BCL2: variants seen among roughly 807,000 people sequenced by gnomAD.
BCL2 encodes apoptosis regulator Bcl-2.
In BCL2, 1 loss-of-function variant was observed where a neutral mutation model predicts 14.2. That is an observed-to-expected ratio of 0.07 (90% CI 0.02 to 0.33). The LOEUF is 0.33. Ranked by LOEUF, BCL2 falls within the 10% of genes least tolerant of loss-of-function variation. BCL2 has a pLI of 0.99. For missense variants in BCL2, 247 were observed against 305.9 expected (o/e 0.81, Z 1.44); for synonymous variants, 151 against 137.2 (o/e 1.10, Z -0.70).
At chr18:63,306,513 C>A in intron 2 of BCL2, among the ~76,000 whole-genome samples, 1 of 152,338 alleles carries the variant, frequency 6.6e-6, no homozygotes, top group East Asian at 1.9e-4. Context: ...CTCCTCAGCT[C>A]CTGCAGTCCA....
At chr18:63,235,012 G>T in intron 2 of BCL2, among the ~76,000 whole-genome samples, 1 of 152,124 alleles carries the variant, frequency 6.6e-6, no homozygotes, top group South Asian at 2.1e-4. Flanking sequence ...ATAGAAAAAC[G>T]GGCCAAGGAA....
At chr18:63,262,162 C>A (rs1317130888) in intron 2 of BCL2, among the ~76,000 whole-genome samples, 1 of 152,200 alleles carries the variant, frequency 6.6e-6, no homozygotes, top group Non-Finnish European at 1.5e-5. Context: ...AGTGATCCAC[C>A]TGCCTCGGCC....
intron 2 of BCL2, among the ~76,000 whole-genome samples, chr18:63,156,087 CAAAA>C (rs10640757): frequency 1.6e-5 from 1 of 64,252 alleles, no homozygotes; most frequent in East Asian, 4.4e-4. Context: ...GCTGAGAAGC[CAAAA>C]AAAAAAAAAA....
At chr18:63,175,577 C>A (rs564646124) in intron 2 of BCL2, among the ~76,000 whole-genome samples, 387 of 152,188 alleles carry the variant, frequency 2.5e-3, no homozygotes, top group Middle Eastern at 0.01. Flanking sequence ...AAGAAGGAAC[C>A]CAAAGTGTGA....
intron 2 of BCL2, among the ~76,000 whole-genome samples, chr18:63,256,209 A>T (rs573461972): frequency 5.9e-5 from 9 of 152,326 alleles, no homozygotes; most frequent in African/African-American, 2.2e-4. Flanking sequence ...GGAAGACAAC[A>T]TTATGGAAAA....
At chr18:63,302,476 G>A in intron 2 of BCL2, 1 of 985,190 alleles carries the variant, frequency 1.0e-6, no homozygotes, top group African/African-American at 1.7e-5. Flanking sequence ...CTTCCTTTTT[G>A]GCTTCCTTAT....
intron 2 of BCL2, chr18:63,314,268 C>T (rs891160666): frequency 6.6e-6 from 1 of 152,206 alleles, no homozygotes; most frequent in African/African-American, 2.4e-5. Flanking sequence ...TGGCCATAAG[C>T]AGCCAATCCT....
Position 63,181,733 on chromosome 18 carries a change from G to A in BCL2, c.586-52974C>T, listed in dbSNP as rs543623731. Reference sequence around the variant, plus strand: ...AATCCACATGACAACCTGCAAGTACGATTTGACGTCTCTGTTTTGTGGATG... The same window carrying A: ...AATCCACATGACAACCTGCAAGTACAATTTGACGTCTCTGTTTTGTGGATG... On this transcript the variant is annotated intron_variant, in intron 2 of 2. Transcript: ENST00000333681. 3.9e-5 allele frequency among the ~76,000 whole-genome samples: 6 copies of A among 152,314 alleles called. No individual in the cohort carries two copies. The South Asian group carries it at 6.2e-4, about 16-fold the overall frequency.
intron 2 of BCL2, among the ~76,000 whole-genome samples, chr18:63,239,615 CTGT>C (rs1599263034): frequency 6.6e-6 from 1 of 152,136 alleles, no homozygotes; most frequent in East Asian, 1.9e-4. Context: ...CAATGCATGC[CTGT>C]AATCCCAGCT....
At chr18:63,165,210 C>T (rs1915014009) in intron 2 of BCL2, among the ~76,000 whole-genome samples, 1 of 152,292 alleles carries the variant, frequency 6.6e-6, no homozygotes, top group African/African-American at 2.4e-5. Flanking sequence ...GATGAATAAA[C>T]ACAACCACTG....
intron 2 of BCL2, 71 bp from the exon 3 acceptor site, chr18:63,128,830 G>A: frequency 1.5e-6 from 1 of 685,878 alleles, no homozygotes; most frequent in Non-Finnish European, 2.7e-6. Flanking sequence ...CCACCCCACA[G>A]AGAAAGAGGC....
Position 63,169,873 on chromosome 18 carries a change from T to C in BCL2, c.586-41114A>G, listed in dbSNP as rs73963704. Among the ~76,000 whole-genome samples, 1,466 of 152,266 alleles carry C rather than the reference T, an allele frequency of 9.6e-3. 26 individuals carry two copies. Among genetic ancestry groups the C allele is most frequent in the African/African-American group, 0.033 (1,379 of 41,548 alleles). ...GTGGCCGTCATCAAAGTAATTCTAA[T>C]GCTATTTAAAATTCTTATCTCTTGA... On this transcript the variant is annotated intron_variant, in intron 2 of 2. Transcript: ENST00000333681.
chr18:63,243,735 A>G (rs1390279714), intron 2 of BCL2, among the ~76,000 whole-genome samples: 4 of 152,176 alleles, frequency 2.6e-5, no homozygotes, highest in Non-Finnish European at 5.9e-5. Flanking sequence ...TGTTTACAGA[A>G]CACAAACCAA....
intron 2 of BCL2, among the ~76,000 whole-genome samples, chr18:63,259,759 G>T (rs552184041): frequency 6.6e-6 from 1 of 152,210 alleles, no homozygotes; most frequent in Non-Finnish European, 1.5e-5. Flanking sequence ...TGGGAATTAC[G>T]CCAATGAGAA....
chr18:63,172,478 A>C (rs1915244692), intron 2 of BCL2, among the ~76,000 whole-genome samples: 1 of 152,152 alleles, frequency 6.6e-6, no homozygotes, highest in South Asian at 2.1e-4. Flanking sequence ...GTAGGCATCA[A>C]AATGGTAAAC....
intron 2 of BCL2, among the ~76,000 whole-genome samples, chr18:63,219,729 G>A (rs118012619): frequency 0.024 from 3,707 of 152,244 alleles, 64 homozygotes; most frequent in Non-Finnish European, 0.038. Context: ...ACTCTGGCAG[G>A]AGATGCAAGG....
intron 2 of BCL2, among the ~76,000 whole-genome samples, chr18:63,291,673 G>C (rs1231397731): frequency 6.6e-6 from 1 of 150,596 alleles, no homozygotes; most frequent in Non-Finnish European, 1.5e-5. Flanking sequence ...AGTTTAGTTG[G>C]AACTATTTTT....
rs944019784 is a variant in BCL2 at position 63,126,346 on chromosome 18, G to T, written c.*2279C>A. On this transcript the variant is annotated 3_prime_UTR_variant, in exon 3 of 3. Coordinates refer to ENST00000333681, the MANE Select transcript of BCL2 (RefSeq NM_000633.3). ...AAGGAGGGCAGGAGGGCTCTGGGTG[G>T]GTCTGTGTTGAAACAGGCCACGTAA... 2 of 220,560 alleles carry T rather than the reference G, an allele frequency of 9.1e-6. No homozygotes were observed. The highest frequency in any genetic ancestry group is 1.8e-5 in the Non-Finnish European group (2 of 109,696). 13.7% of individuals were successfully genotyped at this position (220,560 alleles called of 1,614,324 possible).
chr18:63,238,079 A>G (rs1910891658), intron 2 of BCL2, among the ~76,000 whole-genome samples: 1 of 152,162 alleles, frequency 6.6e-6, no homozygotes, highest in African/African-American at 2.4e-5. Flanking sequence ...TTCAACATTA[A>G]ATCATGTGAA....
Sources: gnomAD v4.1 joint callset for allele counts (sites outside exome capture counted in the v4.1 genomes callset) on GRCh38, gnomAD v4.1.1 for gene constraint, MANE v1.5 for transcripts, NCBI Gene and HGNC (gene_info 2026-07-23, HGNC 2026-07-21) for gene names.